The following TTC1 variants were observed in gnomAD, a reference collection of about 807,000 sequenced individuals.
TTC1 encodes the protein tetratricopeptide repeat protein 1.
Under a neutral mutation model 37.6 loss-of-function variants are expected in TTC1, and 31 were observed. That is an observed-to-expected ratio of 0.82 (90% CI 0.62 to 1.11). TTC1 has a LOEUF of 1.11. TTC1 is among the 50% of genes most tolerant of loss of function. TTC1 has a pLI of 0.00. For missense variants in TTC1, 351 were observed against 339.0 expected, an observed-to-expected ratio of 1.04 and a Z score of -0.28; for synonymous variants, 127 against 122.4, an observed-to-expected ratio of 1.04 and a Z score of -0.25.
At chr5:160,011,385 A>G (rs1040479266) in intron 2 of TTC1, among the ~76,000 whole-genome samples, 1 of 152,166 alleles carries the variant, frequency 6.6e-6, no homozygotes, top group Admixed American at 6.5e-5. Flanking sequence ...AATGCCTACA[A>G]TGTGCCATCC....
chr5:160,029,340 A>G (rs1174053441), intron 2 of TTC1, among the ~76,000 whole-genome samples: 1 of 152,050 alleles, frequency 6.6e-6, no homozygotes, highest in Non-Finnish European at 1.5e-5. Flanking sequence ...ACTATTCCAC[A>G]CTAAAAGAAT....
chr5:160,028,040 C>T (rs1167999396), intron 2 of TTC1, among the ~76,000 whole-genome samples: 1 of 152,122 alleles, frequency 6.6e-6, no homozygotes, highest in Non-Finnish European at 1.5e-5. Context: ...TGGCTCATGC[C>T]TTTAATCCCA....
intron 2 of TTC1, among the ~76,000 whole-genome samples, chr5:160,021,555 C>T (rs1363409482): frequency 6.6e-6 from 1 of 151,976 alleles, no homozygotes; most frequent in Non-Finnish European, 1.5e-5. Context: ...CATTTTTTTC[C>T]TCAGAAGGAT....
intron 4 of TTC1, among the ~76,000 whole-genome samples, chr5:160,041,857 G>C (rs900425422): frequency 6.6e-6 from 1 of 152,144 alleles, no homozygotes; most frequent in Non-Finnish European, 1.5e-5. Flanking sequence ...CCTTCACAGT[G>C]TTATACAGCC....
At chr5:160,040,384 A>G (rs1455122613) in intron 4 of TTC1, among the ~76,000 whole-genome samples, 2 of 152,218 alleles carry the variant, frequency 1.3e-5, no homozygotes, top group African/African-American at 4.8e-5. Flanking sequence ...CTAGGACATT[A>G]CACTACTGTA....
At chr5:160,042,944 G>C (rs991584836) in intron 4 of TTC1, among the ~76,000 whole-genome samples, 189 bp from the exon 5 acceptor site, 1 of 152,190 alleles carries the variant, frequency 6.6e-6, no homozygotes, top group African/African-American at 2.4e-5. Flanking sequence ...CTTCAGATCA[G>C]AGCCATCCCC....
chr5:160,022,530 T>G (rs931063800), intron 2 of TTC1, among the ~76,000 whole-genome samples: 1 of 152,236 alleles, frequency 6.6e-6, no homozygotes, highest in Non-Finnish European at 1.5e-5. Flanking sequence ...TAATAAGTAT[T>G]ATGAGTTTTA....
At chr5:160,044,321 T>C (rs1420638756) in intron 5 of TTC1, among the ~76,000 whole-genome samples, 10 of 152,056 alleles carry the variant, frequency 6.6e-5, no homozygotes, top group Non-Finnish European at 1.3e-4. Context: ...GTCCATAAAG[T>C]GAAAAAGCAA....
At chr5:160,027,111 C>A (rs1341035879) in intron 2 of TTC1, among the ~76,000 whole-genome samples, 2 of 151,838 alleles carry the variant, frequency 1.3e-5, no homozygotes, top group African/African-American at 4.8e-5. Context: ...TCACTGCGGC[C>A]TCCACCTCCC....
intron 2 of TTC1, among the ~76,000 whole-genome samples, chr5:160,020,580 C>A (rs928430336): frequency 6.6e-6 from 1 of 152,222 alleles, no homozygotes; most frequent in African/African-American, 2.4e-5. Flanking sequence ...TATTTACAGC[C>A]ACTTCCCATC....
intron 7 of TTC1, among the ~76,000 whole-genome samples, chr5:160,064,501 C>T (rs145702683): frequency 1.3e-5 from 2 of 152,218 alleles, no homozygotes; most frequent in African/African-American, 4.8e-5. Context: ...TGGCTGCTGC[C>T]GTTCTAGAGA....
At chr5:160,041,127 A>C (rs539024805) in intron 4 of TTC1, among the ~76,000 whole-genome samples, 10 of 152,176 alleles carry the variant, frequency 6.6e-5, no homozygotes, top group African/African-American at 2.4e-4. Context: ...ATCTCCTATG[A>C]TAAAAATGCC....
chr5:160,011,054 G>A (rs528733493), intron 2 of TTC1, among the ~76,000 whole-genome samples, 196 bp downstream of exon 2: 1 of 152,120 alleles, frequency 6.6e-6, no homozygotes, highest in Non-Finnish European at 1.5e-5. Context: ...GCTTAACAAA[G>A]AAATTTTCAT....
chr5:160,027,046 T>A (rs74423154), intron 2 of TTC1, among the ~76,000 whole-genome samples: 1 of 152,054 alleles, frequency 6.6e-6, no homozygotes, highest in Admixed American at 6.6e-5. Context: ...TTTCTTTTTT[T>A]GAGACAGGGT....
chr5:160,056,576 T>G (rs903377437), intron 7 of TTC1, among the ~76,000 whole-genome samples: 1 of 152,012 alleles, frequency 6.6e-6, no homozygotes, highest in African/African-American at 2.4e-5. Context: ...AATAAAAAAT[T>G]AGCCCGGCAT....
chr5:160,049,381 C>A, intron 5 of TTC1, 133 bp from the exon 6 acceptor site: 1 of 779,806 alleles, frequency 1.3e-6, no homozygotes, highest in Non-Finnish European at 1.9e-6. Context: ...AGTTTTCCAG[C>A]ATCAGGTATA....
intron 5 of TTC1, among the ~76,000 whole-genome samples, chr5:160,048,005 C>T (rs373824809): frequency 2.7e-4 from 41 of 151,908 alleles, no homozygotes; most frequent in African/African-American, 9.4e-4. Context: ...CCACTATAGC[C>T]CAGAGACATA....
intron 7 of TTC1, among the ~76,000 whole-genome samples, chr5:160,058,396 A>G (rs780310932): frequency 3.3e-5 from 5 of 150,114 alleles, no homozygotes; most frequent in Admixed American, 6.6e-5. Flanking sequence ...CCATAGCCAT[A>G]TGAAGTGTAT....
At chr5:160,041,313 CTTTTTTTTT>C (rs368094676) in intron 4 of TTC1, among the ~76,000 whole-genome samples, 1 of 135,610 alleles carries the variant, frequency 7.4e-6, no homozygotes. Flanking sequence ...TGCTTTCTTT[CTTTTTTTTT>C]TTTTTTTGGA....
Sources: allele counts gnomAD v4.1 joint callset (sites outside exome capture counted in the v4.1 genomes callset), GRCh38; gene constraint gnomAD v4.1.1; transcripts MANE v1.5; gene names NCBI Gene and HGNC (gene_info 2026-07-23, HGNC 2026-07-21).